Variants in TMEM74 observed in about 807,000 individuals in gnomAD.
TMEM74 encodes transmembrane protein 74.
A neutral mutation model predicts 18.1 loss-of-function variants in TMEM74; 13 were observed. The observed-to-expected ratio is 0.72, with a 90% CI of 0.47 to 1.14. The LOEUF is 1.14. TMEM74 is among the 50% of genes most tolerant of loss of function. The probability of loss-of-function intolerance (pLI) is 0.00; values close to 1 mark genes in which losing one functional copy is unlikely to be tolerated. For synonymous variants in TMEM74, 159 were observed against 146.6 expected (o/e 1.08, Z -0.61); for missense variants, 372 against 375.9 (o/e 0.99, Z 0.09).
chr8:108,777,379 C>A (rs887790964), downstream of TMEM74, among the ~76,000 whole-genome samples: 1 of 152,180 alleles, frequency 6.6e-6, no homozygotes, highest in Non-Finnish European at 1.5e-5. Context: ...GAAAGAGTAA[C>A]TACATTTTCT....
intron 1 of TMEM74, among the ~76,000 whole-genome samples, chr8:108,733,794 G>A (rs1813719061): frequency 6.6e-6 from 1 of 152,132 alleles, no homozygotes; most frequent in African/African-American, 2.4e-5. Flanking sequence ...TTCATACCAC[G>A]GTGAATGGCC....
intron 1 of TMEM74, among the ~76,000 whole-genome samples, chr8:108,710,097 A>G (rs1813459643): frequency 6.6e-6 from 1 of 152,248 alleles, no homozygotes; most frequent in Non-Finnish European, 1.5e-5. Flanking sequence ...AGTTACTGAG[A>G]AGAGTTAATG....
chr8:108,771,210 C>A (rs1402547359), intron 1 of TMEM74, among the ~76,000 whole-genome samples: 2 of 152,114 alleles, frequency 1.3e-5, no homozygotes, highest in African/African-American at 2.4e-5. Context: ...CATATACTAG[C>A]TGTGTGACCT....
intron 2 of TMEM74, among the ~76,000 whole-genome samples, chr8:108,635,075 A>G (rs773254762): frequency 1.3e-5 from 2 of 151,910 alleles, no homozygotes; most frequent in African/African-American, 4.8e-5. Flanking sequence ...CAAATGTATC[A>G]TGGTCAAATC....
chr8:108,685,900 C>T (rs1011844494), intron 1 of TMEM74, among the ~76,000 whole-genome samples: 2 of 151,760 alleles, frequency 1.3e-5, no homozygotes, highest in African/African-American at 2.4e-5. Context: ...AATATATCCA[C>T]GAATAAGCAG....
Position 108,648,050 on chromosome 8 carries a change from C to T in TMEM74, n.264+7243G>A, listed in dbSNP as rs143563330. Among the ~76,000 whole-genome samples the T allele has an allele frequency of 1.4e-3, 218 of 152,248 alleles. 1 individual carries two copies. The highest frequency in any genetic ancestry group is 4.4e-3 in the African/African-American group (182 of 41,572). ...CCAATCAAAGAGGGAAGGCCTTAGA[C>T]GTTCTCACTCACATATTATGTTAAT... On this transcript the variant is annotated intron_variant and non_coding_transcript_variant, in intron 2 of 3. Coordinates refer to the TMEM74 transcript ENST00000518838.
In TMEM74 at chr8:108,628,034, G is replaced by A. The variant is rs535133276; in HGVS notation, n.265-19208C>T. The stretch of plus-strand genomic sequence containing the variant: ...AGTGGTGCCACTGCATTCCAGCCTG[G>A]GTAACAGACCAAAACACTGTCTCAA... On this transcript the variant is annotated intron_variant and non_coding_transcript_variant, in intron 2 of 3. Coordinates refer to the TMEM74 transcript ENST00000518838. Among the ~76,000 whole-genome samples, 3 of 151,760 alleles carry A rather than the reference G, an allele frequency of 2.0e-5. No individual in the cohort carries two copies. The South Asian group carries it at 6.3e-4, about 32-fold the overall frequency.
intron 2 of TMEM74, among the ~76,000 whole-genome samples, chr8:108,651,111 A>G (rs1393566916): frequency 2.0e-5 from 3 of 152,078 alleles, no homozygotes; most frequent in Non-Finnish European, 2.9e-5. Context: ...GCTTACTACC[A>G]TCTAACATTC....
At chr8:108,640,560 T>C (rs972783916) in intron 2 of TMEM74, among the ~76,000 whole-genome samples, 3 of 152,294 alleles carry the variant, frequency 2.0e-5, no homozygotes, top group East Asian at 1.9e-4. Context: ...CATTTCTTTT[T>C]CTCAAAATTG....
chr8:108,668,278 T>C (rs1196826414), intron 1 of TMEM74, among the ~76,000 whole-genome samples: 1 of 152,230 alleles, frequency 6.6e-6, no homozygotes, highest in African/African-American at 2.4e-5. Context: ...TTTCTAGTTA[T>C]GGCTTAATAC....
intron 1 of TMEM74, among the ~76,000 whole-genome samples, chr8:108,670,258 A>T (rs751230397): frequency 6.6e-6 from 1 of 152,230 alleles, no homozygotes; most frequent in Non-Finnish European, 1.5e-5. Context: ...CCCTATGAAC[A>T]AATAGCCAAT....
intron 2 of TMEM74, among the ~76,000 whole-genome samples, chr8:108,627,984 G>A (rs1348840624): frequency 6.6e-6 from 1 of 152,014 alleles, no homozygotes; most frequent in Non-Finnish European, 1.5e-5. Context: ...CTTAAGACTG[G>A]GTGGTGAAGG....
chr8:108,733,747 T>C (rs1348281375), intron 1 of TMEM74, among the ~76,000 whole-genome samples: 2 of 152,222 alleles, frequency 1.3e-5, no homozygotes, highest in Admixed American at 1.3e-4. Flanking sequence ...ACAAGGGAAT[T>C]TGTTGAATAC....
chr8:108,703,836 C>T (rs970848473), intron 1 of TMEM74, among the ~76,000 whole-genome samples: 33 of 152,216 alleles, frequency 2.2e-4, no homozygotes, highest in African/African-American at 7.7e-4. Flanking sequence ...AGGATTTTTG[C>T]TAACTTTCCA....
Position 108,759,412 on chromosome 8 carries a change from A to C in TMEM74, n.119+28064T>G, listed in dbSNP as rs575435692. ...TTCTAGTAATTTATTCTATGAATAT[A>C]TTTGATGTAATAAAAAGGTAAATAT... On this transcript the variant is annotated intron_variant and non_coding_transcript_variant, in intron 1 of 3. Transcript: ENST00000518838. Among the ~76,000 whole-genome samples the C allele has an allele frequency of 2.6e-5, 4 of 152,256 alleles. No homozygotes were observed. In the East Asian group the frequency reaches 7.7e-4, roughly 29 times the overall value.
At chr8:108,608,323 GA>G (rs1241845831) in intron 3 of TMEM74, among the ~76,000 whole-genome samples, 57 of 140,132 alleles carry the variant, frequency 4.1e-4, no homozygotes, top group African/African-American at 1.4e-3. Flanking sequence ...AAGAAAAAAA[GA>G]AAAAAAAAGA....
chr8:108,752,026 G>T (rs917808420), intron 1 of TMEM74, among the ~76,000 whole-genome samples: 1 of 148,416 alleles, frequency 6.7e-6, no homozygotes. Flanking sequence ...CAGTGCCTGG[G>T]CAATCAATTA....
chr8:108,773,330 A>T (rs1814194187), intron 1 of TMEM74, among the ~76,000 whole-genome samples: 1 of 152,204 alleles, frequency 6.6e-6, no homozygotes, highest in Non-Finnish European at 1.5e-5. Flanking sequence ...TCCTAAAAAA[A>T]GATACAGTTA....
At chr8:108,747,187 C>T (rs1325405196) in intron 1 of TMEM74, among the ~76,000 whole-genome samples, 1 of 151,954 alleles carries the variant, frequency 6.6e-6, no homozygotes. Flanking sequence ...TAGATAGTGT[C>T]CAAATTGAGT....
Sources: gnomAD v4.1 joint callset for allele counts (sites outside exome capture counted in the v4.1 genomes callset) on GRCh38, gnomAD v4.1.1 for gene constraint, MANE v1.5 for transcripts, NCBI Gene and HGNC (gene_info 2026-07-23, HGNC 2026-07-21) for gene names.